The following ARHGEF3 variants were observed in gnomAD, a reference collection of about 807,000 sequenced individuals.
ARHGEF3 encodes the protein 59.8 kDA protein.
ARHGEF3 carries 28 observed loss-of-function variants against 63.2 expected under a neutral mutation model. The observed-to-expected ratio is 0.44, with a 90% CI of 0.33 to 0.61. The LOEUF is 0.61. ARHGEF3 is among the 20% of genes least tolerant of loss of function. The pLI is 0.03. For missense variants in ARHGEF3, 533 were observed against 659.3 expected (o/e 0.81, Z 2.10); for synonymous variants, 266 against 254.2 (o/e 1.05, Z -0.44).
intron 1 of ARHGEF3, among the ~76,000 whole-genome samples, chr3:57,060,989 C>T (rs1035358831): frequency 6.6e-6 from 1 of 152,156 alleles, no homozygotes; most frequent in Admixed American, 6.5e-5. Flanking sequence ...TAATATAAAA[C>T]ATACCACTTT....
At chr3:56,806,929 G>C (rs867322605), upstream of ARHGEF3, among the ~76,000 whole-genome samples, 121 of 151,730 alleles carry the variant, frequency 8.0e-4, 1 homozygote, top group Middle Eastern at 0.014. Flanking sequence ...CTGTTGCCTA[G>C]GATGGAGTAC....
chr3:56,732,574 G>A, intron 8 of ARHGEF3, 150 bp from the exon 9 acceptor site: 2 of 861,512 alleles, frequency 2.3e-6, no homozygotes, highest in Non-Finnish European at 3.6e-6. Context: ...GAGAACCAAA[G>A]TTGGGCATGT....
intron 2 of ARHGEF3, among the ~76,000 whole-genome samples, chr3:56,971,400 C>T (rs747925744): frequency 2.0e-5 from 3 of 152,084 alleles, no homozygotes; most frequent in Non-Finnish European, 4.4e-5. Flanking sequence ...TAAATAAGCA[C>T]TTTTGGAACA....
At chr3:57,022,460 C>T (rs1703299701) in intron 2 of ARHGEF3, among the ~76,000 whole-genome samples, 1 of 151,314 alleles carries the variant, frequency 6.6e-6, no homozygotes, top group East Asian at 1.9e-4. Context: ...TAATCAATAG[C>T]TTTCCTATAT....
chr3:56,759,391 G>A (rs1483709090), intron 2 of ARHGEF3, among the ~76,000 whole-genome samples: 5 of 152,182 alleles, frequency 3.3e-5, no homozygotes, highest in African/African-American at 9.6e-5. Flanking sequence ...TGTTGGTCTC[G>A]ATCTCCTGAC....
intron 4 of ARHGEF3, among the ~76,000 whole-genome samples, chr3:56,821,386 T>A (rs1578601451): frequency 6.6e-6 from 1 of 152,194 alleles, no homozygotes; most frequent in African/African-American, 2.4e-5. Context: ...TCACAAGGTA[T>A]CATGATTAAC....
intron 1 of ARHGEF3, among the ~76,000 whole-genome samples, chr3:56,791,982 T>G (rs898959603): frequency 6.6e-6 from 1 of 151,738 alleles, no homozygotes; most frequent in African/African-American, 2.4e-5. Context: ...GGCTCACGCC[T>G]GTAATCCCAG....
intron 4 of ARHGEF3, among the ~76,000 whole-genome samples, chr3:56,866,790 A>G (rs1011081462): frequency 1.3e-5 from 2 of 152,242 alleles, no homozygotes; most frequent in Non-Finnish European, 2.9e-5. Context: ...TGTGCACTCA[A>G]TAAACACCCG....
intron 3 of ARHGEF3, chr3:56,940,665 G>A (rs902028559): frequency 1.7e-4 from 26 of 151,810 alleles, no homozygotes; most frequent in Non-Finnish European, 3.5e-4. Context: ...AGGTATGGTC[G>A]GTTTTGCCTT....
At chr3:56,762,001 G>C (rs2035447410) in intron 2 of ARHGEF3, among the ~76,000 whole-genome samples, 1 of 152,156 alleles carries the variant, frequency 6.6e-6, no homozygotes, top group Non-Finnish European at 1.5e-5. Flanking sequence ...TTTTGGACTA[G>C]AGATTCTTTA....
At chr3:56,737,031 G>T (rs943523119) in intron 8 of ARHGEF3, among the ~76,000 whole-genome samples, 154 bp downstream of exon 8, 1 of 152,100 alleles carries the variant, frequency 6.6e-6, no homozygotes, top group Non-Finnish European at 1.5e-5. Context: ...GAAGGCAGAG[G>T]TTGCAGTGAG....
intron 3 of ARHGEF3, among the ~76,000 whole-genome samples, chr3:56,936,103 A>G (rs938915772): frequency 6.6e-5 from 10 of 152,154 alleles, no homozygotes; most frequent in Non-Finnish European, 8.8e-5. Context: ...AACTGATCCA[A>G]TTGAAGTTTT....
Position 56,797,795 on chromosome 3 carries a change from G to C in ARHGEF3, c.96+3908C>G, listed in dbSNP as rs149820132. Among the ~76,000 whole-genome samples, 4 of 152,286 alleles carry C rather than the reference G, an allele frequency of 2.6e-5. No homozygotes were observed. In the East Asian group the frequency reaches 5.8e-4, roughly 22 times the overall value. ...TTCTCAGTTATGTAAGGTGCTCAAG[G>C]TTATACTTAAAAGATAATATTTTAA... On this transcript the variant is annotated intron_variant, in intron 1 of 9. Transcript: ENST00000296315.
At chr3:56,934,638 C>T (rs554813018) in intron 3 of ARHGEF3, among the ~76,000 whole-genome samples, 1 of 152,324 alleles carries the variant, frequency 6.6e-6, no homozygotes, top group Non-Finnish European at 1.5e-5. Context: ...GTACTGGGTC[C>T]CCCAGCAGTG....
intron 8 of ARHGEF3, 23 bp downstream of exon 8, chr3:56,737,162 G>A (rs778615090): frequency 6.2e-7 from 1 of 1,603,758 alleles, no homozygotes; most frequent in Non-Finnish European, 8.5e-7. Context: ...GGATAAGACT[G>A]CTTAAAGGGA....
intron 4 of ARHGEF3, among the ~76,000 whole-genome samples, chr3:56,837,407 G>C (rs1173006011): frequency 6.6e-6 from 1 of 152,176 alleles, no homozygotes; most frequent in Non-Finnish European, 1.5e-5. Context: ...AACTGGAATT[G>C]ACTGCTCAAT....
At position 57,042,140 on chromosome 3, in the gene ARHGEF3, C is replaced by G. The variant is rs148822315; in HGVS notation, c.-27-6964G>C. On this transcript the variant is annotated intron_variant, in intron 1 of 12. Transcript: ENST00000338458. ...CCACCCACGCATGGTCTTGAAGCAT[C>G]TACATGGATACAAATGAAAAGTTCC... Among the ~76,000 whole-genome samples the G allele has an allele frequency of 1.0e-3, 156 of 152,292 alleles. 1 individual carries two copies. The highest frequency in any genetic ancestry group is 3.6e-3 in the African/African-American group (148 of 41,566).
At chr3:57,004,870 G>A (rs1267551250) in intron 2 of ARHGEF3, among the ~76,000 whole-genome samples, 5 of 152,118 alleles carry the variant, frequency 3.3e-5, no homozygotes, top group Non-Finnish European at 7.3e-5. Context: ...TGAGACAGGT[G>A]GATCACTTGA....
At chr3:57,060,635 T>A (rs377618040) in intron 1 of ARHGEF3, 2 of 152,390 alleles carry the variant, frequency 1.3e-5, no homozygotes, top group South Asian at 2.1e-4. Context: ...GCTGGGCCCA[T>A]GTGACCCAGG....
Sources: allele counts gnomAD v4.1 joint callset (sites outside exome capture counted in the v4.1 genomes callset), GRCh38; gene constraint gnomAD v4.1.1; transcripts MANE v1.5; gene names NCBI Gene and HGNC (gene_info 2026-07-23, HGNC 2026-07-21).